INCA1: variants seen among roughly 807,000 people sequenced by gnomAD.
The protein encoded by INCA1 is protein INCA1.
INCA1 carries 28 observed loss-of-function variants against 25.7 expected under a neutral mutation model. The observed-to-expected ratio is 1.09, with a 90% CI of 0.81 to 1.49. INCA1 has a LOEUF of 1.49. Among genes scored for constraint, INCA1 ranks in the 40% most tolerant of loss-of-function variants. The probability of loss-of-function intolerance (pLI) is 0.00; values close to 1 mark genes in which losing one functional copy is unlikely to be tolerated. For missense variants in INCA1, 309 were observed against 290.9 expected, an observed-to-expected ratio of 1.06 and a Z score of -0.45; for synonymous variants, 111 against 103.6, an observed-to-expected ratio of 1.07 and a Z score of -0.43.
chr17:4,989,741 CATG>C, intron 4 of INCA1, 117 bp from the exon 5 acceptor site: 1 of 1,547,322 alleles, frequency 6.5e-7, no homozygotes, highest in Non-Finnish European at 8.9e-7. Context: ...ATCTCGAAAA[CATG>C]ATGACTGATT....
At chr17:4,989,988 TC>T in intron 3 of INCA1, 59 bp from the exon 4 acceptor site, 2 of 1,612,476 alleles carry the variant, frequency 1.2e-6, no homozygotes, top group Non-Finnish European at 1.7e-6. Context: ...CCATATTGCT[TC>T]TTTAATAATC....
chr17:4,994,565 G>A (rs1974102445), intron 1 of INCA1, 90 bp from the exon 2 acceptor site: 1 of 936,506 alleles, frequency 1.1e-6, no homozygotes, highest in Admixed American at 2.2e-5. Flanking sequence ...GCCAAGGCGG[G>A]CGGATCATGA....
At chr17:4,990,334 C>T in intron 2 of INCA1, 69 bp from the exon 3 acceptor site, 11 of 1,518,302 alleles carry the variant, frequency 7.2e-6, no homozygotes, top group Admixed American at 2.2e-5. Flanking sequence ...CCCAAGGATT[C>T]AGGGGCCATC....
In INCA1 at chr17:4,988,491, A is replaced by T. The variant is rs550046149; in HGVS notation, c.625T>A (p.Ser209Thr). 1.5e-5 allele frequency: 24 copies of T among 1,614,096 alleles called. No homozygotes were observed. In the East Asian group the frequency reaches 4.5e-4, roughly 30 times the overall value. ...GTGACAGTGCTGAACGAGGCCAGAG[A>T]GTGCAGCTGCCTGGAGGCACAAGCC... The change falls in exon 7 of 7, where the codon TCT becomes ACT. Residue 209 changes from serine (S) to threonine (T), a missense_variant. Ser to Thr is a moderately conservative substitution (Grantham distance 58). Coordinates refer to ENST00000576820, the Ensembl canonical transcript of INCA1.
chr17:4,989,225 C>G (rs925717129), intron 5 of INCA1, among the ~76,000 whole-genome samples: 2 of 152,166 alleles, frequency 1.3e-5, no homozygotes, highest in Non-Finnish European at 2.9e-5. Flanking sequence ...GTGGCTCATC[C>G]TCCTTACTGC....
exon 6 of INCA1, chr17:4,988,847 C>A (rs765338644): frequency 1.9e-6 from 3 of 1,614,118 alleles, no homozygotes; most frequent in Non-Finnish European, 2.5e-6. Context: ...TCTTCCAGAT[C>A]AGGGTATTCA....
chr17:4,990,775 C>T (rs1030095103), intron 2 of INCA1, among the ~76,000 whole-genome samples: 4 of 150,478 alleles, frequency 2.7e-5, no homozygotes, highest in African/African-American at 4.9e-5. Flanking sequence ...CCCAGCTACT[C>T]GGGAGGCTGA....
chr17:4,991,323 G>A (rs1003176867), intron 2 of INCA1, among the ~76,000 whole-genome samples: 1 of 152,128 alleles, frequency 6.6e-6, no homozygotes, highest in African/African-American at 2.4e-5. Context: ...AGTTAGAGAA[G>A]GTAATATTTA....
At chr17:4,988,636 C>T in intron 6 of INCA1, 82 bp from the exon 7 acceptor site, 1 of 1,569,798 alleles carries the variant, frequency 6.4e-7, no homozygotes, top group African/African-American at 1.4e-5. Flanking sequence ...GCTTAGGTAC[C>T]TCGAAGTCTC....
chr17:4,994,709 G>A (rs932498717), intron 1 of INCA1, among the ~76,000 whole-genome samples: 1 of 145,006 alleles, frequency 6.9e-6, no homozygotes, highest in Admixed American at 7.3e-5. Context: ...AGAATCGCTT[G>A]AACCTGGGAG....
chr17:4,991,181 G>A (rs777790765), intron 2 of INCA1, among the ~76,000 whole-genome samples: 8 of 152,066 alleles, frequency 5.3e-5, no homozygotes, highest in Non-Finnish European at 1.2e-4. Context: ...GCCTCCCAAA[G>A]TGCTGGGATT....
At chr17:4,989,482 C>T in exon 5 of INCA1, 1 of 1,614,222 alleles carries the variant, frequency 6.2e-7, no homozygotes, top group South Asian at 1.1e-5. Context: ...AGTGACAGCC[C>T]TCACCCGGGC....
At position 4,996,585 on chromosome 17, in the gene INCA1, G is replaced by A. The variant is rs1165225560; in HGVS notation, c.-39+418C>T. On this transcript the variant is annotated intron_variant, in intron 1 of 6. Transcript: ENST00000576820. The stretch of plus-strand genomic sequence containing the variant: ...TAATCCCAGCTATTCGGGAGGCTGA[G>A]GCAGGAGAATCGCTTGAACCCAGGA... 4.0e-5 allele frequency among the ~76,000 whole-genome samples: 6 copies of A among 149,660 alleles called. No individual in the cohort carries two copies. In the South Asian group the frequency reaches 8.5e-4, roughly 21 times the overall value.
At chr17:4,988,745 T>C in intron 6 of INCA1, 34 bp downstream of exon 6, 2 of 1,612,302 alleles carry the variant, frequency 1.2e-6, no homozygotes, top group Non-Finnish European at 1.7e-6. Flanking sequence ...CCCACATCAC[T>C]CCCTCACTCC....
chr17:4,992,974 T>C (rs1175584807), intron 2 of INCA1, among the ~76,000 whole-genome samples: 1 of 151,186 alleles, frequency 6.6e-6, no homozygotes, highest in African/African-American at 2.4e-5. Flanking sequence ...CTGCCTCCCA[T>C]GTTCAAGTGA....
At chr17:4,989,714 T>TC in intron 4 of INCA1, 90 bp from the exon 5 acceptor site, 1 of 1,564,136 alleles carries the variant, frequency 6.4e-7, no homozygotes, top group Non-Finnish European at 8.8e-7. Context: ...GTCTGGGGTC[T>TC]TGGGAAGACC....
exon 7 of INCA1, chr17:4,988,337 ACT>A: frequency 2.0e-6 from 3 of 1,488,492 alleles, no homozygotes; most frequent in Non-Finnish European, 2.7e-6. Flanking sequence ...AATGAGGGTG[ACT>A]CTAGTGACGG....
chr17:4,989,619 G>A, exon 5 of INCA1: 1 of 1,613,624 alleles, frequency 6.2e-7, no homozygotes, highest in Non-Finnish European at 8.5e-7. Context: ...AGCAACCAGT[G>A]GCTCTCTGTG....
chr17:4,992,877 G>A (rs1973968740), intron 2 of INCA1, among the ~76,000 whole-genome samples: 1 of 151,762 alleles, frequency 6.6e-6, no homozygotes, highest in Non-Finnish European at 1.5e-5. Context: ...ACTTAGCATA[G>A]TGTTTTGTTT....
Sources: gnomAD v4.1 joint callset for allele counts (sites outside exome capture counted in the v4.1 genomes callset) on GRCh38, gnomAD v4.1.1 for gene constraint, MANE v1.5 for transcripts, NCBI Gene and HGNC (gene_info 2026-07-23, HGNC 2026-07-21) for gene names.